IQSEC2: variants seen among roughly 807,000 people sequenced by gnomAD.
IQSEC2 encodes IQ motif and Sec7 domain ArfGEF 2, also known as IQ motif and SEC7 domain-containing protein 2.
In IQSEC2, 6 loss-of-function variants were observed where a neutral mutation model predicts 74.6. The observed-to-expected ratio is 0.08, with a 90% CI of 0.04 to 0.16. The LOEUF (loss-of-function observed/expected upper bound fraction) is 0.16. Among genes scored for constraint, IQSEC2 ranks in the 10% least tolerant of loss-of-function variants. The probability of loss-of-function intolerance (pLI) is 1.00; values close to 1 mark genes in which losing one functional copy is unlikely to be tolerated. For synonymous variants in IQSEC2, 494 were observed against 544.5 expected, an observed-to-expected ratio of 0.91 and a Z score of 1.29; for missense variants, 734 against 1,306.2, an observed-to-expected ratio of 0.56 and a Z score of 6.75.
intron 2 of IQSEC2, among the ~76,000 whole-genome samples, chrX:53,278,973 C>T (rs1196645861): frequency 2.7e-5 from 3 of 111,691 alleles, no homozygotes; most frequent in African/African-American, 6.5e-5. Flanking sequence ...GTCAGGAGTT[C>T]GAGACCAGCC....
chrX:53,229,698 AAG>A (rs2074056162), downstream of IQSEC2: 1 of 111,650 alleles, frequency 9.0e-6, no homozygotes, highest in African/African-American at 3.3e-5. Context: ...TGTCTCAAAA[AAG>A]AAAAAAAAAA....
chrX:53,234,563 G>A lies in IQSEC2; in HGVS notation c.4123C>T (p.Pro1375Ser). 1 of 1,115,280 alleles carries A rather than the reference G, an allele frequency of 9.0e-7. No homozygotes were observed. Among genetic ancestry groups the A allele is most frequent in the Admixed American group, 3.1e-5 (1 of 32,406 alleles). The allele number at this position is 1,115,280 out of a possible 1,213,427, so 91.9% of individuals were successfully genotyped here. The change falls in exon 15 of 15, where the codon CCC becomes TCC. Residue 1375 changes from proline (P) to serine (S), a missense_variant. Transcript: ENST00000642864. ...TSPLPLYSPA[P>S]QHPPAHKQGP... ...TGTTTGTGGGCTGGAGGGTGCTGGG[G>A]GGCAGGACTGTACAGGGGCAGTGGG...
chrX:53,319,993 GA>G (rs1352354372), intron 1 of IQSEC2, among the ~76,000 whole-genome samples: 152 of 24,521 alleles, frequency 6.2e-3, no homozygotes, highest in South Asian at 0.01. Context: ...AAAGAAAAAG[GA>G]AAAAAAAAAA....
chrX:53,289,166 C>G (rs1313220078), intron 2 of IQSEC2, among the ~76,000 whole-genome samples: 1 of 50,663 alleles, frequency 2.0e-5, no homozygotes, highest in African/African-American at 7.8e-5. Flanking sequence ...AGCCCTTCCC[C>G]CTCCACACAC....
At chrX:53,279,650 C>G in intron 2 of IQSEC2, 1 of 1,160,999 alleles carries the variant, frequency 8.6e-7, no homozygotes, top group Non-Finnish European at 1.2e-6. Flanking sequence ...GAGTATGAGA[C>G]GCTGTGGACC....
At chrX:53,264,928 A>AG (rs1444001145) in intron 2 of IQSEC2, among the ~76,000 whole-genome samples, 7 of 108,972 alleles carry the variant, frequency 6.4e-5, no homozygotes, top group Admixed American at 5.9e-4. Flanking sequence ...CATGCTTAAA[A>AG]AAAAAAAAAA....
chrX:53,274,690 T>C (rs2074800335), intron 2 of IQSEC2, among the ~76,000 whole-genome samples: 1 of 110,072 alleles, frequency 9.1e-6, no homozygotes, highest in East Asian at 2.8e-4. Context: ...CTCGATCTCC[T>C]GATCTCATGA....
At chrX:53,289,897 G>A (rs1349059470) in intron 2 of IQSEC2, among the ~76,000 whole-genome samples, 1 of 111,858 alleles carries the variant, frequency 8.9e-6, no homozygotes, top group Non-Finnish European at 1.9e-5. Context: ...TGTAAATCAG[G>A]GATTGTAATC....
At chrX:53,319,567 C>T (rs1376378222) in intron 1 of IQSEC2, among the ~76,000 whole-genome samples, 6 of 111,189 alleles carry the variant, frequency 5.4e-5, no homozygotes, top group African/African-American at 2.0e-4. Context: ...GCCCTTGACT[C>T]TCTCAGCCTG....
chrX:53,279,392 C>G (rs2074901326), intron 2 of IQSEC2: 1 of 420,318 alleles, frequency 2.4e-6, no homozygotes, highest in Non-Finnish European at 4.1e-6. Context: ...AGATAGATCC[C>G]AAATGTCCTC....
intron 2 of IQSEC2, chrX:53,266,769 A>T: frequency 1.0e-6 from 1 of 996,441 alleles, no homozygotes; most frequent in African/African-American, 2.0e-5. Context: ...CAGGGGCTGG[A>T]GTCCAGAGGA....
chrX:53,256,067 G>T lies in IQSEC2; in HGVS notation c.738-6C>A. On this transcript the variant is annotated splice_region_variant and splice_polypyrimidine_tract_variant and intron_variant, in intron 2 of 14. Transcript: ENST00000642864. ...CTGGGGCATCACCCTCCACACTGTG[G>T]GGATGAGATAAGATGAGCCAGGATG... The T allele has an allele frequency of 8.6e-7, 1 of 1,161,900 alleles. No individual in the cohort carries two copies.
At chrX:53,281,384 G>C in intron 2 of IQSEC2, 1 of 449,865 alleles carries the variant, frequency 2.2e-6, no homozygotes, top group Admixed American at 4.3e-5. Flanking sequence ...CAGAGTCCAA[G>C]AAGGGAGCCA....
chrX:53,315,895 A>AG (rs2075365623), intron 1 of IQSEC2, among the ~76,000 whole-genome samples: 1 of 111,223 alleles, frequency 9.0e-6, no homozygotes, highest in Non-Finnish European at 1.9e-5. Context: ...GTCTGGTCTG[A>AG]CGTCTTCCTC....
chrX:53,292,604 C>T lies in IQSEC2; in HGVS notation c.708-680G>A, dbSNP rs187338393. ...GCTCCTTTCTACTACACTGGTCTGC[C>T]GTTTTCATTGTGAGGCCTCTTTAGA... On this transcript the variant is annotated intron_variant, in intron 1 of 14. Coordinates refer to ENST00000642864, the MANE Select transcript of IQSEC2 (RefSeq NM_001111125.3). Among the ~76,000 whole-genome samples, 13 of 111,779 alleles carry T rather than the reference C, an allele frequency of 1.2e-4. No homozygotes were observed. The East Asian group carries it at 3.4e-3, about 29-fold the overall frequency.
At position 53,248,179 on chromosome X, in the gene IQSEC2, C is replaced by T. The variant is rs371755037; in HGVS notation, c.2517G>A (p.Lys839=). The change falls in exon 7 of 15, where the codon AAG becomes AAA. Residue 839 remains lysine, a synonymous_variant. Transcript: ENST00000642864. ...CCTGAACCCGGATATGGGACTGGAA[C>T]TTCCGGAGCGCATCATCCAGATCCA... ...SSMDLDDALR[K]FQSHIRVQGE... 6 of 1,208,024 alleles carry T rather than the reference C, an allele frequency of 5.0e-6. No individual in the cohort carries two copies. The African/African-American group carries it at 1.1e-4, about 21-fold the overall frequency.
chrX:53,244,331 A>G (rs192758581), intron 8 of IQSEC2, among the ~76,000 whole-genome samples: 59 of 111,134 alleles, frequency 5.3e-4, no homozygotes, highest in African/African-American at 1.6e-3. Context: ...TCGAGAGCCA[A>G]CCTGGGCAAC....
chrX:53,263,418 G>A (rs1269524365), intron 2 of IQSEC2, among the ~76,000 whole-genome samples: 1 of 110,838 alleles, frequency 9.0e-6, no homozygotes, highest in African/African-American at 3.3e-5. Context: ...CTCACCTCTG[G>A]CCAGCATCCC....
At chrX:53,298,117 G>A (rs1484783628) in intron 1 of IQSEC2, among the ~76,000 whole-genome samples, 2 of 108,794 alleles carry the variant, frequency 1.8e-5, no homozygotes, top group Admixed American at 9.7e-5. Flanking sequence ...GCGACACAGC[G>A]AGACTCCGTC....
Sources: gnomAD v4.1 joint callset for allele counts (sites outside exome capture counted in the v4.1 genomes callset) on GRCh38, gnomAD v4.1.1 for gene constraint, MANE v1.5 for transcripts, NCBI Gene and HGNC (gene_info 2026-07-23, HGNC 2026-07-21) for gene names.